The following PES1 variants were observed in gnomAD, a reference collection of about 807,000 sequenced individuals.
The protein encoded by PES1 is pescadillo ribosomal biogenesis factor 1.
A neutral mutation model predicts 77.1 loss-of-function variants in PES1; 31 were observed. The ratio of observed to expected loss-of-function variants is 0.40; its 90% CI spans 0.30 to 0.54. The LOEUF (loss-of-function observed/expected upper bound fraction) is 0.54. Among genes scored for constraint, PES1 ranks in the 20% least tolerant of loss-of-function variants. PES1 has a pLI of 0.45. For synonymous variants in PES1, 282 were observed against 303.0 expected (o/e 0.93, Z 0.72); for missense variants, 658 against 771.7 (o/e 0.85, Z 1.75).
At chr22:30,588,551 G>C (rs1296603208) in intron 2 of PES1, among the ~76,000 whole-genome samples, 1 of 152,198 alleles carries the variant, frequency 6.6e-6, no homozygotes, top group African/African-American at 2.4e-5. Flanking sequence ...GCTGAGGCAG[G>C]AGGATCACCT....
chr22:30,588,806 G>A (rs1196857005), intron 2 of PES1, among the ~76,000 whole-genome samples: 1 of 152,022 alleles, frequency 6.6e-6, no homozygotes, highest in East Asian at 1.9e-4. Flanking sequence ...AAAAAAAGTG[G>A]GCCAGGTGAG....
At chr22:30,580,287 G>A (rs2086962925) in intron 10 of PES1, 109 bp from the exon 11 acceptor site, 4 of 1,381,346 alleles carry the variant, frequency 2.9e-6, no homozygotes. Context: ...CACCCTCTTA[G>A]GACACAATTA....
chr22:30,599,457 AACAG>A (rs2087320409), intron 2 of PES1, among the ~76,000 whole-genome samples: 5 of 152,192 alleles, frequency 3.3e-5, no homozygotes, highest in African/African-American at 1.2e-4. Flanking sequence ...TTTAATAGGA[AACAG>A]CGAAATCTTC....
chr22:30,580,133 C>T lies in PES1; in HGVS notation c.1089G>A (p.Gly363=), dbSNP rs1440850697. The change falls in exon 11 of 15, where the codon GGG becomes GGA. Residue 363 remains glycine, a synonymous_variant. Transcript: ENST00000354694. ...EVSWDKSLCI[G]ATYDVTDSRI... Reference sequence around the variant, plus strand: ...GGGAGTCTGTGACGTCATAGGTGGCCCCAATGCACAAAGATTTGTCCCAGG... The same window carrying T: ...GGGAGTCTGTGACGTCATAGGTGGCTCCAATGCACAAAGATTTGTCCCAGG... 2 of 1,614,034 alleles carry T rather than the reference C, an allele frequency of 1.2e-6. No homozygotes were observed. Among genetic ancestry groups the T allele is most frequent in the Admixed American group, 1.7e-5 (1 of 59,994 alleles).
chr22:30,597,924 C>T (rs967377902), intron 2 of PES1, among the ~76,000 whole-genome samples: 1 of 143,040 alleles, frequency 7.0e-6, no homozygotes, highest in East Asian at 2.0e-4. Flanking sequence ...CACTCTGTCG[C>T]CCAGGCTGGA....
chr22:30,599,351 T>G (rs923118473), intron 2 of PES1, among the ~76,000 whole-genome samples: 2 of 152,262 alleles, frequency 1.3e-5, no homozygotes, highest in Admixed American at 1.3e-4. Context: ...GTGTTGGGGG[T>G]TTGGCATAAA....
intron 3 of PES1, 120 bp downstream of exon 3, chr22:30,587,901 C>A (rs567419998): frequency 2.0e-6 from 2 of 980,554 alleles, no homozygotes; most frequent in Admixed American, 4.5e-5. Flanking sequence ...TGTTGAGGCT[C>A]ACCCTGCCCT....
chr22:30,598,311 C>T (rs1042305068), intron 2 of PES1: 5 of 152,088 alleles, frequency 3.3e-5, no homozygotes, highest in East Asian at 1.9e-4. Context: ...CCGGACATGC[C>T]GTCTTTAAGA....
rs981799190 is a variant in PES1 at position 30,579,239 on chromosome 22, T to C, written c.1419A>G (p.Glu473=). ...EDDNNEGDGD[E]EGENEEEEED... Reference sequence around the variant, plus strand: ...CCTCCTCCTCCTCATTTTCTCCCTCTTCATCACCATCACCTTCGTTGTTGT... The same window carrying C: ...CCTCCTCCTCCTCATTTTCTCCCTCCTCATCACCATCACCTTCGTTGTTGT... Residue 473 remains glutamate (E), a synonymous_variant, in exon 13 of 15, where the codon GAA becomes GAG. Transcript: ENST00000354694. 6.2e-7 allele frequency: 1 copy of C among 1,604,434 alleles called. No individual in the cohort carries two copies. Among genetic ancestry groups the C allele is most frequent in the African/African-American group, 1.3e-5 (1 of 74,898 alleles).
intron 4 of PES1, 25 bp from the exon 5 acceptor site, chr22:30,584,742 T>G (rs775888698): frequency 2.3e-5 from 37 of 1,611,712 alleles, no homozygotes; most frequent in African/African-American, 4.0e-5. Flanking sequence ...AGGCAGCACA[T>G]GGGGCCTGTT....
In PES1 at chr22:30,584,385, G is replaced by T. The variant is rs756636530; in HGVS notation, c.610C>A (p.Pro204Thr). 1.3e-5 allele frequency: 21 copies of T among 1,611,170 alleles called. No individual in the cohort carries two copies. The highest frequency in any genetic ancestry group is 3.4e-5 in the Admixed American group (2 of 59,698). ...CTCACGTCATGGGAGAAGGCATAGG[G>T]AGTGATCCACACGATGGGCTGCCCC... ...VLGQPIVWITPYAFSHDHPTD... is the reference protein window; with the variant it reads ...VLGQPIVWITTYAFSHDHPTD... Residue 204 changes from proline (P) to threonine (T), a missense_variant, in exon 6 of 15, where the codon CCC (proline) becomes ACC (threonine). By Grantham distance (38) the Pro-to-Thr change is conservative (BLOSUM62 -1). Transcript: ENST00000354694.
intron 1 of PES1, among the ~76,000 whole-genome samples, chr22:30,605,800 GTATT>G (rs1398752451): frequency 2.6e-5 from 4 of 152,178 alleles, no homozygotes; most frequent in Admixed American, 1.3e-4. Context: ...ACACGTTGCT[GTATT>G]TATTTATGTC....
At chr22:30,585,898 A>AGACCTCTGAT (rs2087080094) in intron 4 of PES1, among the ~76,000 whole-genome samples, 2 of 152,210 alleles carry the variant, frequency 1.3e-5, no homozygotes, top group Admixed American at 1.3e-4. Flanking sequence ...AGGCCTGCAG[A>AGACCTCTGAT]GACCTCTGAT....
chr22:30,581,182 G>A lies in PES1; in HGVS notation c.823-81C>T. ...AGGGTGGGGAGGGGCAGCAGTGACA[G>A]TCCTGGGCATCAGCAGGTGTGGGTT... is the stretch of plus-strand genomic sequence containing the variant. On this transcript the variant is annotated intron_variant, in intron 8 of 14. Coordinates refer to ENST00000354694, the MANE Select transcript of PES1 (RefSeq NM_014303.4). The A allele has an allele frequency of 2.9e-6, 4 of 1,373,588 alleles. No individual in the cohort carries two copies. The Admixed American group carries it at 7.4e-5, about 25-fold the overall frequency. The allele number at this position is 1,373,588 out of a possible 1,614,324, so 85.1% of individuals were successfully genotyped here.
chr22:30,606,809 G>C, exon 1 of PES1: 1 of 993,446 alleles, frequency 1.0e-6, no homozygotes. Flanking sequence ...TGCTGCTCAC[G>C]TGACCACTGC....
At chr22:30,587,900 T>C in intron 3 of PES1, 121 bp downstream of exon 3, 1 of 973,120 alleles carries the variant, frequency 1.0e-6, no homozygotes, top group Non-Finnish European at 1.6e-6. Context: ...CTGTTGAGGC[T>C]CACCCTGCCC....
At chr22:30,582,584 A>G (rs1410794885) in intron 6 of PES1, among the ~76,000 whole-genome samples, 1 of 152,190 alleles carries the variant, frequency 6.6e-6, no homozygotes, top group Admixed American at 6.5e-5. Context: ...GAGCCAGCCC[A>G]TTTGGCCCCC....
chr22:30,576,696 G>C lies in PES1; in HGVS notation c.*350C>G. 1 of 334,920 alleles carries C rather than the reference G, an allele frequency of 3.0e-6. No homozygotes were observed. The highest frequency in any genetic ancestry group is 5.5e-6 in the Non-Finnish European group (1 of 181,124). 20.7% of individuals were successfully genotyped at this position (334,920 alleles called of 1,614,324 possible). ...TACCCTCACCCCATCACAGCACCCT[G>C]AGAATCACGGGTCCAACTGTGTGGG... On this transcript the variant is annotated 3_prime_UTR_variant, in exon 15 of 15. Transcript: ENST00000354694.
chr22:30,601,513 A>G (rs982852593), intron 2 of PES1, among the ~76,000 whole-genome samples: 1 of 137,136 alleles, frequency 7.3e-6, no homozygotes, highest in Non-Finnish European at 1.6e-5. Context: ...GGGTTTCACT[A>G]TGTTGGCCAG....
Sources: gnomAD v4.1 joint callset for allele counts (sites outside exome capture counted in the v4.1 genomes callset) on GRCh38, gnomAD v4.1.1 for gene constraint, MANE v1.5 for transcripts, NCBI Gene and HGNC (gene_info 2026-07-23, HGNC 2026-07-21) for gene names.